The following SLC3A2 variants were observed in gnomAD, a reference collection of about 807,000 sequenced individuals.
The protein encoded by SLC3A2 is amino acid transporter heavy chain SLC3A2.
Under a neutral mutation model 48.5 loss-of-function variants are expected in SLC3A2, and 32 were observed. The ratio of observed to expected loss-of-function variants is 0.66; its 90% CI spans 0.50 to 0.89. SLC3A2 has a LOEUF of 0.89. SLC3A2 is among the 40% of genes least tolerant of loss of function. The pLI is 0.00. For missense variants in SLC3A2, 587 were observed against 680.7 expected (o/e 0.86, Z 1.53); for synonymous variants, 277 against 288.8 (o/e 0.96, Z 0.41).
In SLC3A2 at chr11:62,888,368, T is replaced by C. The variant is rs1353523464; in HGVS notation, c.1265T>C (p.Phe422Ser). The change falls in exon 9 of 9, where the codon TTC becomes TCC. Residue 422 changes from phenylalanine (F) to serine (S), a missense_variant. This residue lies in a region of SLC3A2 where 169 missense variants were observed against 204.4 expected (regional missense o/e 0.83). Transcript: ENST00000338663. ...GACCCTGGCTCCCTCCTTTCCTTGT[T>C]CCGGCGGCTGAGTGACCAGCGGAGT... ...SEDPGSLLSLFRRLSDQRSKE... is the reference protein window; with the variant it reads ...SEDPGSLLSLSRRLSDQRSKE... 6.2e-7 allele frequency: 1 copy of C among 1,614,188 alleles called. No individual in the cohort carries two copies. The highest frequency in any genetic ancestry group is 1.3e-5 in the African/African-American group (1 of 75,060).
rs762068205 is a variant in SLC3A2, at chr11:62,881,205, C to T, written c.182C>T (p.Thr61Met). 1 of 1,590,376 alleles carries T rather than the reference C, an allele frequency of 6.3e-7. No individual in the cohort carries two copies. Among genetic ancestry groups the T allele is most frequent in the South Asian group, 1.1e-5 (1 of 87,570 alleles). ...EAEAAAAAKF[T>M]GLSKEELLKV... ...GAGGCGGCAGCCGCGGCTAAGTTCACGGGCCTGTCCAAGGAGGAGCTGCTG... is the reference window on the plus strand; with the variant it reads ...GAGGCGGCAGCCGCGGCTAAGTTCATGGGCCTGTCCAAGGAGGAGCTGCTG... The change falls in exon 1 of 9, where the codon ACG becomes ATG. Residue 61 changes from threonine (T) to methionine (M), a missense_variant. Physicochemically the swap from Thr to Met is moderately conservative, Grantham distance 81. Coordinates refer to ENST00000338663, the MANE Select transcript of SLC3A2 (RefSeq NM_001013251.3). This position sits in a 1 kb window ranked among gnomAD's most constrained non-coding sequence, Gnocchi z 4.0.
intron 1 of SLC3A2, among the ~76,000 whole-genome samples, chr11:62,867,330 T>C (rs201980024): frequency 1.7e-5 from 2 of 118,314 alleles, no homozygotes; most frequent in East Asian, 2.9e-4. Flanking sequence ...TTCTTTTTTT[T>C]TTTTTTTTTT....
At chr11:62,879,025 A>G (rs921312453), upstream of SLC3A2, among the ~76,000 whole-genome samples, 3 of 149,338 alleles carry the variant, frequency 2.0e-5, no homozygotes, top group Admixed American at 6.7e-5. Flanking sequence ...CGCCACCCTC[A>G]GCCTCCCAAA....
At chr11:62,882,392 C>T (rs1034504589) in intron 2 of SLC3A2, 3 of 320,164 alleles carry the variant, frequency 9.4e-6, no homozygotes, top group Admixed American at 9.2e-5. Context: ...TATTGTTTTA[C>T]GACTCGATAT....
intron 1 of SLC3A2, chr11:62,870,788 G>T (rs1169754963): frequency 1.5e-5 from 3 of 205,416 alleles, no homozygotes; most frequent in South Asian, 6.3e-5. Context: ...TCGAACTCTT[G>T]GCCTCAGGTG....
intron 1 of SLC3A2, among the ~76,000 whole-genome samples, chr11:62,866,571 T>C (rs547087034): frequency 7.2e-5 from 11 of 152,144 alleles, no homozygotes; most frequent in African/African-American, 2.7e-4. Flanking sequence ...AATTTTTGTA[T>C]TTTTAATAGA....
intron 1 of SLC3A2, among the ~76,000 whole-genome samples, chr11:62,862,784 A>G (rs1055010776): frequency 1.3e-5 from 2 of 152,104 alleles, no homozygotes; most frequent in African/African-American, 2.4e-5. Context: ...GCTCTTAGAG[A>G]GGTCTGGAGA....
Position 62,888,417 on chromosome 11 carries a change from G to T in SLC3A2, c.1314G>T (p.Gly438=), listed in dbSNP as rs957560462. The change falls in exon 9 of 9, where the codon GGG becomes GGT. Residue 438 remains glycine (G), a synonymous_variant. Transcript: ENST00000338663. ...GTAAGGAGCGCTCCCTACTGCATGG[G>T]GACTTCCACGCGTTCTCCGCTGGGC... is the stretch of plus-strand genomic sequence containing the variant. ...QRSKERSLLH[G]DFHAFSAGPG... 8.1e-6 allele frequency: 13 copies of T among 1,614,092 alleles called. No individual in the cohort carries two copies. Among genetic ancestry groups the T allele is most frequent in the Middle Eastern group, 3.3e-4 (2 of 6,084 alleles).
Position 62,888,465 on chromosome 11 carries a change from C to T in SLC3A2, c.1362C>T (p.Arg454=). 6.2e-7 allele frequency: 1 copy of T among 1,614,236 alleles called. No individual in the cohort carries two copies. The highest frequency in any genetic ancestry group is 1.3e-5 in the African/African-American group (1 of 75,054). The change falls in exon 9 of 9, where the codon CGC becomes CGT. Residue 454 remains arginine (R), a synonymous_variant. Transcript: ENST00000338663. ...SAGPGLFSYI[R]HWDQNERFLV... Reference sequence around the variant, plus strand: ...GGCCTGGACTCTTCTCCTATATCCGCCACTGGGACCAGAATGAGCGTTTTC... The same window carrying T: ...GGCCTGGACTCTTCTCCTATATCCGTCACTGGGACCAGAATGAGCGTTTTC...
chr11:62,879,840 CTG>C (rs1217861616), upstream of SLC3A2, among the ~76,000 whole-genome samples: 5 of 152,186 alleles, frequency 3.3e-5, no homozygotes, highest in Admixed American at 1.3e-4. Context: ...GCTGTGAACC[CTG>C]TCTCTGCCCC....
chr11:62,870,838 GTAATAATAATAA>G lies in SLC3A2; in HGVS notation c.113-10173_113-10162del, dbSNP rs57671523. On this transcript the variant is annotated intron_variant, in intron 1 of 9. Transcript: ENST00000377889. The stretch of plus-strand genomic sequence containing the variant: ...GCTTCCCAGAATGCCGAGATGATAG[GTAATAATAATAA>G]TAATAATTATTATTATTATTATTAT... The G allele has an allele frequency of 6.0e-3, 1,040 of 173,076 alleles. 15 individuals carry two copies. Among genetic ancestry groups the G allele is most frequent in the South Asian group, 0.03 (324 of 10,682 alleles). The allele number at this position is 173,076 out of a possible 1,614,324, so 10.7% of individuals were successfully genotyped here. A position where few individuals can be genotyped will look rare whatever the true frequency, so the allele number is the denominator to read the frequency against.
At chr11:62,861,435 C>T (rs1428714624) in intron 1 of SLC3A2, among the ~76,000 whole-genome samples, 2 of 151,962 alleles carry the variant, frequency 1.3e-5, no homozygotes, top group Non-Finnish European at 2.9e-5. Context: ...ATCTATTTTG[C>T]TTTTTGAATA....
exon 1 of SLC3A2, chr11:62,856,272 G>A: frequency 6.2e-7 from 1 of 1,608,492 alleles, no homozygotes; most frequent in South Asian, 1.1e-5. Flanking sequence ...CCGCCTCCAT[G>A]GAGCTACAGC....
rs1298292547 is a variant in SLC3A2, at chr11:62,881,635, C to T, written c.424+188C>T. The T allele has an allele frequency of 5.1e-6, 5 of 971,316 alleles. No individual in the cohort carries two copies. The East Asian group carries it at 1.3e-4, about 26-fold the overall frequency. 60.2% of individuals were successfully genotyped at this position (971,316 alleles called of 1,614,324 possible). A position where few individuals can be genotyped will look rare whatever the true frequency, so the allele number is the denominator to read the frequency against. ...CTCCTTTCTTTGAAGAAAGCCGACC[C>T]GCCCCTCACTCCGTCACGAGGGTGG... On this transcript the variant is annotated intron_variant, in intron 1 of 8. Transcript: ENST00000338663. This position sits in a 1 kb window ranked among gnomAD's most constrained non-coding sequence, Gnocchi z 4.0.
At chr11:62,862,355 A>AG (rs2085409316) in intron 1 of SLC3A2, among the ~76,000 whole-genome samples, 1 of 146,424 alleles carries the variant, frequency 6.8e-6, no homozygotes, top group Non-Finnish European at 1.5e-5. Context: ...AAAAAAAAAA[A>AG]AAGCCCTGCT....
intron 1 of SLC3A2, among the ~76,000 whole-genome samples, chr11:62,866,763 T>C (rs939865978): frequency 7.2e-5 from 11 of 152,190 alleles, no homozygotes; most frequent in African/African-American, 1.4e-4. Flanking sequence ...AGTTCTGTAC[T>C]TGAGGATACT....
rs1207889558 is a variant in SLC3A2, at chr11:62,881,818, G to A, written c.425-75G>A. ...CCCCCTCCCCGTCCCACCCTTAGGC[G>A]CTGGGAGAAGGGAGGGTGGGGAGGT... On this transcript the variant is annotated intron_variant, in intron 1 of 8. Transcript: ENST00000338663. The surrounding 1 kb of genome is among the most constrained non-coding windows in gnomAD (Gnocchi z 4.0). 14 of 1,539,904 alleles carry A rather than the reference G, an allele frequency of 9.1e-6. No homozygotes were observed. The highest frequency in any genetic ancestry group is 1.2e-5 in the Non-Finnish European group (14 of 1,129,626).
In SLC3A2 at chr11:62,884,813, C is replaced by CTTTTTTTTTTTTTTT. The variant is rs541507991; in HGVS notation, c.818+144_818+158dup. 10 of 56,012 alleles carry CTTTTTTTTTTTTTTT rather than the reference C, an allele frequency of 1.8e-4. 2 individuals are homozygous for CTTTTTTTTTTTTTTT. Among genetic ancestry groups the CTTTTTTTTTTTTTTT allele is most frequent in the African/African-American group, 6.5e-4 (5 of 7,638 alleles). The allele number at this position is 56,012 out of a possible 1,614,324, so 3.5% of individuals were successfully genotyped here. Reference sequence around the variant, plus strand: ...TTCTTTACCTTTATTCTTTCTTTAGCTTTTTTTTTTTTTTTTTTTTTTTTT... The same window carrying CTTTTTTTTTTTTTTT: ...TTCTTTACCTTTATTCTTTCTTTAGCTTTTTTTTTTTTTTTTTTTTTTTTTTTTTTTTTTTTTTTT... On this transcript the variant is annotated intron_variant, in intron 5 of 8. Coordinates refer to ENST00000338663, the MANE Select transcript of SLC3A2 (RefSeq NM_001013251.3).
chr11:62,862,333 CAAAAAAAAA>C (rs71065311), intron 1 of SLC3A2, among the ~76,000 whole-genome samples: 42 of 55,912 alleles, frequency 7.5e-4, no homozygotes, highest in African/African-American at 3.3e-3. Context: ...GACTCTGTCT[CAAAAAAAAA>C]AAAAAAAAAA....
Sources: gnomAD v4.1 joint callset for allele counts (sites outside exome capture counted in the v4.1 genomes callset) on GRCh38, gnomAD v4.1.1 for gene constraint, gnomAD v4.1.1 regional missense constraint, Gnocchi (gnomAD v3.1) non-coding constraint, MANE v1.5 for transcripts, NCBI Gene and HGNC (gene_info 2026-07-23, HGNC 2026-07-21) for gene names.